NDST3: variants seen among roughly 807,000 people sequenced by gnomAD.
NDST3 encodes the protein bifunctional heparan sulfate N-deacetylase/N-sulfotransferase 3.
NDST3 carries 58 observed loss-of-function variants against 96.1 expected under a neutral mutation model. The observed-to-expected ratio is 0.60, with a 90% CI of 0.49 to 0.75. The LOEUF is 0.75. Ranked by LOEUF, NDST3 falls within the 30% of genes least tolerant of loss-of-function variation. The pLI, the probability that NDST3 is intolerant of heterozygous loss-of-function variation, is 0.00. For synonymous variants in NDST3, 333 were observed against 359.7 expected, an observed-to-expected ratio of 0.93 and a Z score of 0.84; for missense variants, 788 against 1,034.2, an observed-to-expected ratio of 0.76 and a Z score of 3.27.
At chr4:118,235,591 T>C (rs1740586508) in intron 9 of NDST3, among the ~76,000 whole-genome samples, 1 of 152,276 alleles carries the variant, frequency 6.6e-6, no homozygotes. Flanking sequence ...TTTTGTGTGA[T>C]TTTTGAAGCC....
intron 8 of NDST3, among the ~76,000 whole-genome samples, chr4:118,227,240 C>T (rs115828257): frequency 0.63 from 91,485 of 144,924 alleles, 29,905 homozygotes; most frequent in Non-Finnish European, 0.73. Flanking sequence ...TTTTTTTTTC[C>T]CCCCCAAATG....
At chr4:118,164,078 C>G (rs1735383536) in intron 6 of NDST3, among the ~76,000 whole-genome samples, 1 of 152,022 alleles carries the variant, frequency 6.6e-6, no homozygotes, top group African/African-American at 2.4e-5. Flanking sequence ...CAATAGCAGA[C>G]ATGGAACCAG....
At chr4:118,207,146 TACACAC>T (rs67300451) in intron 6 of NDST3, among the ~76,000 whole-genome samples, 2,764 of 128,798 alleles carry the variant, frequency 0.021, 299 homozygotes, top group African/African-American at 0.064. Context: ...TCTGGAAGAA[TACACAC>T]ACACACACAC....
At chr4:118,055,351 T>G (rs569673109) in intron 2 of NDST3, 3 of 187,058 alleles carry the variant, frequency 1.6e-5, no homozygotes, top group Non-Finnish European at 3.3e-5. Context: ...TGCAGTGCAT[T>G]TTCTCTTATC....
At chr4:118,213,926 A>C (rs1214691895) in intron 6 of NDST3, among the ~76,000 whole-genome samples, 2 of 152,174 alleles carry the variant, frequency 1.3e-5, no homozygotes, top group South Asian at 4.1e-4. Flanking sequence ...TAAGTTTAAC[A>C]AACATTTCTT....
chr4:118,065,923 T>C (rs1356856078), intron 2 of NDST3, among the ~76,000 whole-genome samples: 2 of 149,612 alleles, frequency 1.3e-5, no homozygotes, highest in African/African-American at 2.5e-5. Flanking sequence ...TCTCTGACTA[T>C]ATAAACTGAG....
At chr4:118,224,363 A>G in intron 6 of NDST3, 128 bp from the exon 7 acceptor site, 1 of 711,648 alleles carries the variant, frequency 1.4e-6, no homozygotes, top group Non-Finnish European at 2.1e-6. Flanking sequence ...TCCCAAATCC[A>G]AAAACACGCC....
intron 6 of NDST3, among the ~76,000 whole-genome samples, chr4:118,164,862 T>G (rs1578753681): frequency 6.6e-6 from 1 of 152,260 alleles, no homozygotes; most frequent in East Asian, 1.9e-4. Context: ...AATATCAACT[T>G]TATATTTGTT....
In NDST3 at chr4:118,233,115, C is replaced by T. The variant is rs372870695; in HGVS notation, c.1923C>T (p.Asn641=). ...FEEVQFFNRN[N]YHRGIDWYMD... ...AGGTACAGTTCTTTAATAGAAATAA[C>T]TACCACAGGGGGATTGATTGGTAAG... Residue 641 remains asparagine, a synonymous_variant, in exon 9 of 14, where the codon AAC becomes AAT. Transcript: ENST00000296499. 1.2e-6 allele frequency: 2 copies of T among 1,612,650 alleles called. No homozygotes were observed. Among genetic ancestry groups the T allele is most frequent in the South Asian group, 1.1e-5 (1 of 91,028 alleles).
chr4:118,189,857 T>G (rs71608349), intron 6 of NDST3, among the ~76,000 whole-genome samples: 18,160 of 152,114 alleles, frequency 0.12, 1,338 homozygotes, highest in South Asian at 0.2. Context: ...CTAAAGCTAA[T>G]TGTAATAAAA....
At chr4:118,122,625 G>GT (rs914242406) in intron 4 of NDST3, among the ~76,000 whole-genome samples, 3 of 151,804 alleles carry the variant, frequency 2.0e-5, no homozygotes, top group Admixed American at 6.6e-5. Context: ...CCAATTTCCC[G>GT]TTTTTTTCCT....
chr4:118,087,929 G>C (rs1294634596), intron 2 of NDST3, among the ~76,000 whole-genome samples: 2 of 152,058 alleles, frequency 1.3e-5, no homozygotes, highest in African/African-American at 4.8e-5. Flanking sequence ...GATTCAATTG[G>C]AGACTATCTC....
intron 6 of NDST3, among the ~76,000 whole-genome samples, chr4:118,199,005 T>C (rs988389258): frequency 2.0e-5 from 3 of 152,178 alleles, no homozygotes; most frequent in Non-Finnish European, 4.4e-5. Context: ...CTTTGCAAGT[T>C]GAATTACCAG....
chr4:118,037,174 G>C (rs1724197811), intron 1 of NDST3, among the ~76,000 whole-genome samples: 1 of 152,032 alleles, frequency 6.6e-6, no homozygotes, highest in Non-Finnish European at 1.5e-5. Flanking sequence ...TTTAGAAATT[G>C]ATCTGGAGGC....
rs539361805 is a variant in NDST3 at position 118,161,571 on chromosome 4, C to A, written c.1539+17887C>A. On this transcript the variant is annotated intron_variant, in intron 6 of 13. Coordinates refer to ENST00000296499, the MANE Select transcript of NDST3 (RefSeq NM_004784.3). ...CTTTGTTTACCTAAGCAAGCCTGGG[C>A]GATGGTGGGCGCCTATCCCCCAGCC... Among the ~76,000 whole-genome samples, 178 of 152,302 alleles carry A rather than the reference C, an allele frequency of 1.2e-3. 1 individual carries two copies. In the South Asian group the frequency reaches 0.013, roughly 11 times the overall value.
chr4:118,168,390 A>T (rs1353383861), intron 6 of NDST3, among the ~76,000 whole-genome samples: 1 of 152,044 alleles, frequency 6.6e-6, no homozygotes, highest in East Asian at 1.9e-4. Context: ...ATATAAATTC[A>T]TATATATAAA....
intron 10 of NDST3, among the ~76,000 whole-genome samples, chr4:118,238,713 C>T (rs191364831): frequency 6.6e-6 from 1 of 152,226 alleles, no homozygotes; most frequent in East Asian, 1.9e-4. Flanking sequence ...TTGCTTTCAG[C>T]CTAATTGGAG....
chr4:118,094,237 T>C (rs1020260724), intron 2 of NDST3, among the ~76,000 whole-genome samples: 1 of 151,890 alleles, frequency 6.6e-6, no homozygotes, highest in African/African-American at 2.4e-5. Context: ...GCATCTGCAA[T>C]GTAATTCTAG....
chr4:118,244,115 CT>C (rs1367730760), intron 12 of NDST3, among the ~76,000 whole-genome samples: 1 of 152,166 alleles, frequency 6.6e-6, no homozygotes. Flanking sequence ...CATTCCATTT[CT>C]TTTTATATTT....
Sources: gnomAD v4.1 joint callset for allele counts (sites outside exome capture counted in the v4.1 genomes callset) on GRCh38, gnomAD v4.1.1 for gene constraint, MANE v1.5 for transcripts, NCBI Gene and HGNC (gene_info 2026-07-23, HGNC 2026-07-21) for gene names.